The following CTNNA3 variants were observed in gnomAD, a reference collection of about 807,000 sequenced individuals.
The protein encoded by CTNNA3 is catenin alpha 3, also known as catenin alpha-3.
A neutral mutation model predicts 95.7 loss-of-function variants in CTNNA3; 76 were observed. That is an observed-to-expected ratio of 0.79 (90% confidence interval 0.66 to 0.96). CTNNA3 has a LOEUF of 0.96. CTNNA3 is among the 40% of genes least tolerant of loss of function. The pLI is 0.00. For missense variants in CTNNA3, 1,191 were observed against 1,089.8 expected (o/e 1.09, Z -1.31); for synonymous variants, 431 against 374.4 (o/e 1.15, Z -1.74).
chr10:67,474,891 G>GCTA (rs1314075636), intron 5 of CTNNA3, among the ~76,000 whole-genome samples: 1 of 152,122 alleles, frequency 6.6e-6, no homozygotes, highest in Non-Finnish European at 1.5e-5. Flanking sequence ...TTAATTATAT[G>GCTA]CTACCATATG....
intron 9 of CTNNA3, among the ~76,000 whole-genome samples, chr10:66,636,290 C>T (rs972885654): frequency 6.6e-6 from 1 of 152,106 alleles, no homozygotes; most frequent in African/African-American, 2.4e-5. Flanking sequence ...GGGGCATAAG[C>T]TATTACAGGT....
At chr10:67,644,133 A>G (rs1424220242) in intron 2 of CTNNA3, among the ~76,000 whole-genome samples, 1 of 152,222 alleles carries the variant, frequency 6.6e-6, no homozygotes, top group African/African-American at 2.4e-5. Flanking sequence ...TGGTTGAACT[A>G]ATTTACACTC....
chr10:65,965,876 A>G (rs1405591183), intron 17 of CTNNA3, among the ~76,000 whole-genome samples: 2 of 152,170 alleles, frequency 1.3e-5, no homozygotes, highest in Non-Finnish European at 2.9e-5. Flanking sequence ...TTCCCAGAAT[A>G]TTTATATTGT....
intron 13 of CTNNA3, among the ~76,000 whole-genome samples, chr10:66,167,078 T>C (rs757361686): frequency 6.6e-6 from 1 of 152,110 alleles, no homozygotes; most frequent in Non-Finnish European, 1.5e-5. Flanking sequence ...TATTGTAACA[T>C]GCAATATGCC....
At chr10:66,429,861 C>T (rs1174249740) in intron 11 of CTNNA3, among the ~76,000 whole-genome samples, 1 of 151,954 alleles carries the variant, frequency 6.6e-6, no homozygotes. Context: ...GATGCCCTCT[C>T]CCACCACTCC....
intron 7 of CTNNA3, among the ~76,000 whole-genome samples, chr10:66,880,673 C>G (rs1455236866): frequency 1.3e-5 from 2 of 152,048 alleles, no homozygotes; most frequent in Non-Finnish European, 2.9e-5. Flanking sequence ...GCAATGAAAG[C>G]AATGACACTT....
At chr10:67,145,605 A>T (rs1465487084) in intron 7 of CTNNA3, among the ~76,000 whole-genome samples, 1 of 151,694 alleles carries the variant, frequency 6.6e-6, no homozygotes, top group Non-Finnish European at 1.5e-5. Flanking sequence ...TAATTTTTGT[A>T]TTTTTAGTAG....
chr10:66,318,261 G>T (rs201211978), intron 12 of CTNNA3, among the ~76,000 whole-genome samples: 10 of 137,520 alleles, frequency 7.3e-5, no homozygotes, highest in East Asian at 4.4e-4. Flanking sequence ...GTTGCTGGGA[G>T]ATATATATAT....
At chr10:67,704,049 C>A (rs1395410243) in intron 1 of CTNNA3, among the ~76,000 whole-genome samples, 1 of 152,088 alleles carries the variant, frequency 6.6e-6, no homozygotes, top group Non-Finnish European at 1.5e-5. Context: ...GAATAAAATA[C>A]CTAGGAATCC....
At chr10:66,955,952 C>A (rs1227210699) in intron 7 of CTNNA3, among the ~76,000 whole-genome samples, 2 of 152,070 alleles carry the variant, frequency 1.3e-5, no homozygotes, top group African/African-American at 4.8e-5. Context: ...TTTAGTCATT[C>A]TGGTCATGGA....
intron 7 of CTNNA3, among the ~76,000 whole-genome samples, chr10:66,779,341 CTTT>C (rs1420295192): frequency 1.1e-3 from 20 of 18,690 alleles, no homozygotes; most frequent in African/African-American, 3.4e-3. Flanking sequence ...TTCCTTCCTT[CTTT>C]CTTTTCTTTC....
intron 7 of CTNNA3, among the ~76,000 whole-genome samples, chr10:66,855,917 C>T (rs1843667526): frequency 6.6e-6 from 1 of 151,916 alleles, no homozygotes; most frequent in Non-Finnish European, 1.5e-5. Context: ...TAGTGGTCAA[C>T]CACCTGTTTT....
intron 5 of CTNNA3, among the ~76,000 whole-genome samples, chr10:67,389,934 T>C (rs1324426036): frequency 6.6e-6 from 1 of 150,422 alleles, no homozygotes; most frequent in African/African-American, 2.4e-5. Flanking sequence ...TTTATAGCAC[T>C]AAATGCCCAC....
rs1554854476 is a variant in CTNNA3, at chr10:67,566,050, T to TATATATA, written c.293-26388_293-26382dup. On this transcript the variant is annotated intron_variant, in intron 3 of 17. Transcript: ENST00000433211. ...ACACACATATGTGTGTGTGTATATA[T>TATATATA]ATATATATATATATATATATATACA... Among the ~76,000 whole-genome samples, 33 of 79,124 alleles carry TATATATA rather than the reference T, an allele frequency of 4.2e-4. 5 individuals are homozygous for TATATATA. The highest frequency in any genetic ancestry group is 1.4e-3 in the African/African-American group (30 of 20,806). The allele number at this position is 79,124 out of a possible 152,430, so 51.9% of individuals were successfully genotyped here. A position where few individuals can be genotyped will look rare whatever the true frequency, so the allele number is the denominator to read the frequency against.
intron 15 of CTNNA3, among the ~76,000 whole-genome samples, chr10:66,046,206 C>T (rs993790750): frequency 6.6e-6 from 1 of 152,158 alleles, no homozygotes; most frequent in Non-Finnish European, 1.5e-5. Context: ...AGTGAATGAG[C>T]TGCCCCAGGA....
chr10:66,138,153 T>C (rs1246554299), intron 13 of CTNNA3, among the ~76,000 whole-genome samples: 2 of 152,184 alleles, frequency 1.3e-5, no homozygotes. Flanking sequence ...TATATGTATA[T>C]ATGTATGCAT....
At position 66,055,615 on chromosome 10, in the gene CTNNA3, T is replaced by A. The variant is rs138565006; in HGVS notation, c.2159+13693A>T. ...TCAGATCCAGTAACTTTTGGGATAGTCTTTAGTTTTTTTAAGATAAAAAAT... is the reference window on the plus strand; with the variant it reads ...TCAGATCCAGTAACTTTTGGGATAGACTTTAGTTTTTTTAAGATAAAAAAT... On this transcript the variant is annotated intron_variant, in intron 15 of 17. Transcript: ENST00000433211. Among the ~76,000 whole-genome samples, 657 of 152,236 alleles carry A rather than the reference T, an allele frequency of 4.3e-3. 4 individuals carry two copies. The highest frequency in any genetic ancestry group is 6.4e-3 in the Non-Finnish European group (432 of 68,000).
At chr10:66,098,295 T>C (rs985618844) in intron 14 of CTNNA3, among the ~76,000 whole-genome samples, 10 of 152,154 alleles carry the variant, frequency 6.6e-5, no homozygotes, top group Admixed American at 4.6e-4. Flanking sequence ...AGTTTACAAG[T>C]GTGCTGTACT....
chr10:66,589,146 A>C (rs1167804622), intron 10 of CTNNA3, among the ~76,000 whole-genome samples: 2 of 151,730 alleles, frequency 1.3e-5, no homozygotes, highest in Non-Finnish European at 2.9e-5. Context: ...CTTTGTCCTG[A>C]AGTTGGTTTC....
Sources: allele counts gnomAD v4.1 joint callset (sites outside exome capture counted in the v4.1 genomes callset), GRCh38; gene constraint gnomAD v4.1.1; transcripts MANE v1.5; gene names NCBI Gene and HGNC (gene_info 2026-07-23, HGNC 2026-07-21).